SCRN2: variants seen among roughly 807,000 people sequenced by gnomAD.
SCRN2 encodes secernin 2.
Under a neutral mutation model 40.1 loss-of-function variants are expected in SCRN2, and 30 were observed. The ratio of observed to expected loss-of-function variants is 0.75; its 90% CI spans 0.56 to 1.01. The LOEUF is 1.01. SCRN2 is among the 50% of genes least tolerant of loss of function. The pLI is 0.00. For synonymous variants in SCRN2, 240 were observed against 233.5 expected (o/e 1.03, Z -0.25); for missense variants, 526 against 564.9 (o/e 0.93, Z 0.70).
At position 47,839,601 on chromosome 17, in the gene SCRN2, A is replaced by G; in HGVS notation, c.399T>C (p.His133=). 1.2e-6 allele frequency: 2 copies of G among 1,614,092 alleles called. No homozygotes were observed. The highest frequency in any genetic ancestry group is 1.7e-6 in the Non-Finnish European group (2 of 1,180,034). ...AGTGCTCCAGTAACCCTGTGATCAC[A>G]TGCAAGGCCTCCTGGGCAGAGCTGC... is the stretch of plus-strand genomic sequence containing the variant. The part of the protein sequence containing the change: ...ERSSSAQEAL[H]VITGLLEHYG... Residue 133 remains histidine, a synonymous_variant, in exon 4 of 8, where the codon CAT becomes CAC. Transcript: ENST00000290216.
chr17:47,838,780 C>G lies in SCRN2; in HGVS notation c.772+11G>C. ...CCTCCTGGCCCCCAGCCCCCTCCAC[C>G]GTTCACTAACCTTGCCGTTGCCGCA... On this transcript the variant is annotated intron_variant, in intron 5 of 7. Coordinates refer to ENST00000290216, the MANE Select transcript of SCRN2 (RefSeq NM_138355.4). 16 of 1,612,356 alleles carry G rather than the reference C, an allele frequency of 9.9e-6. No homozygotes were observed. The highest frequency in any genetic ancestry group is 1.4e-5 in the Non-Finnish European group (16 of 1,179,816).
chr17:47,840,786 G>A lies in SCRN2; in HGVS notation c.58C>T (p.Pro20Ser), dbSNP rs1182755512. 8 of 1,580,134 alleles carry A rather than the reference G, an allele frequency of 5.1e-6. No individual in the cohort carries two copies. The South Asian group carries it at 9.1e-5, about 18-fold the overall frequency. Residue 20 changes from proline to serine, a missense_variant, in exon 2 of 8, where the codon CCG (proline) becomes TCG (serine). Physicochemically the swap from Pro to Ser is moderately conservative, Grantham distance 74. Coordinates refer to ENST00000290216, the MANE Select transcript of SCRN2 (RefSeq NM_138355.4). ...ATCACAGCCGGGATGGCTGAGGCCG[G>A]GGGCACGGAGACAAAGCAGTCGCAG... is the stretch of plus-strand genomic sequence containing the variant. ...CSCDCFVSVP[P>S]ASAIPAVIFA...
At position 47,837,870 on chromosome 17, in the gene SCRN2, TCACGAAGG is replaced by T. The variant is rs757586211; in HGVS notation, c.1244_1251del (p.Ala415GlufsTer54). The T allele has an allele frequency of 1.2e-6, 2 of 1,601,372 alleles. No individual in the cohort carries two copies. Among genetic ancestry groups the T allele is most frequent in the Admixed American group, 3.3e-5 (2 of 59,814 alleles). On this transcript the variant is annotated frameshift_variant, in exon 8 of 8. Transcript: ENST00000290216. LOFTEE classifies it high-confidence loss of function. ...TACGCATAAGCCTGGCTCTCCCTCT[TCACGAAGG>T]CCTGGAAGAGGCTGCCCAGCTCCCA...
intron 3 of SCRN2, chr17:47,839,967 T>C: frequency 1.7e-6 from 1 of 591,866 alleles, no homozygotes; most frequent in East Asian, 2.8e-5. Flanking sequence ...CTATGTAAGA[T>C]TTCAACTGAA....
In SCRN2 at chr17:47,838,387, G is replaced by T. The variant is rs778010210; in HGVS notation, c.1002C>A (p.Pro334=). ...GVAQAPQVLS[P]TFGAQDPVRT... ...GAACAGGGTCTTGTGCTCCAAAAGTGGGGGACAGCACCTGGGGGGCCTGGG... is the reference window on the plus strand; with the variant it reads ...GAACAGGGTCTTGTGCTCCAAAAGTTGGGGACAGCACCTGGGGGGCCTGGG... The change falls in exon 7 of 8, where the codon CCC becomes CCA. Residue 334 remains proline (P), a synonymous_variant. Transcript: ENST00000290216. 6.2e-7 allele frequency: 1 copy of T among 1,609,438 alleles called. No individual in the cohort carries two copies. Among genetic ancestry groups the T allele is most frequent in the Non-Finnish European group, 8.5e-7 (1 of 1,178,662 alleles).
Position 47,838,550 on chromosome 17 carries a change from C to T in SCRN2, c.919G>A (p.Ala307Thr), listed in dbSNP as rs372886856. 4 of 1,613,996 alleles carry T rather than the reference C, an allele frequency of 2.5e-6. No individual in the cohort carries two copies. The highest frequency in any genetic ancestry group is 2.2e-5 in the East Asian group (1 of 44,874). Residue 307 changes from alanine (A) to threonine (T), a missense_variant, in exon 6 of 8, where the codon GCC (alanine) becomes ACC (threonine). Coordinates refer to ENST00000290216, the MANE Select transcript of SCRN2 (RefSeq NM_138355.4). The stretch of plus-strand genomic sequence containing the variant: ...TCCCACCTGGATGGGTCTGGCGTGG[C>T]GGTAAGAAAGTGCACGCAGGGCTGC... ...PTQPCVHFLT[A>T]TPDPSRSVFK...
chr17:47,841,126 T>G (rs1328334456), intron 1 of SCRN2, 82 bp downstream of exon 1: 13 of 332,898 alleles, frequency 3.9e-5, no homozygotes, highest in Non-Finnish European at 6.6e-5. Context: ...CCACCAAGAG[T>G]CCTGCGGCCC....
At chr17:47,839,075 G>A in intron 4 of SCRN2, 69 bp from the exon 5 acceptor site, 1 of 1,537,712 alleles carries the variant, frequency 6.5e-7, no homozygotes. Context: ...ACTGGGCGAG[G>A]TGCTGAGAAC....
Position 47,840,847 on chromosome 17 carries a change from G to A in SCRN2, c.1-4C>T. ...AGTCAGGGCTCGACGACGCCATCTG[G>A]GGAGAGGCGGGCCTCTCCATAACCC... On this transcript the variant is annotated splice_polypyrimidine_tract_variant and splice_region_variant and intron_variant, in intron 1 of 7. Coordinates refer to ENST00000290216, the MANE Select transcript of SCRN2 (RefSeq NM_138355.4). 6.6e-7 allele frequency: 1 copy of A among 1,518,762 alleles called. No individual in the cohort carries two copies. Among genetic ancestry groups the A allele is most frequent in the Non-Finnish European group, 8.8e-7 (1 of 1,130,736 alleles). 94.1% of individuals were successfully genotyped at this position (1,518,762 alleles called of 1,614,324 possible).
In SCRN2 at chr17:47,838,565, C is replaced by T. The variant is rs552325337; in HGVS notation, c.904G>A (p.Val302Met). Reference protein sequence around the residue: ...VLPQDPTQPCVHFLTATPDPS... With the variant: ...VLPQDPTQPCMHFLTATPDPS... The stretch of plus-strand genomic sequence containing the variant: ...TCTGGCGTGGCGGTAAGAAAGTGCA[C>T]GCAGGGCTGCGTGGGATCCTGGGGC... The change falls in exon 6 of 8, where the codon GTG (valine) becomes ATG (methionine). Residue 302 changes from valine (V) to methionine (M), a missense_variant. By Grantham distance (21) the Val-to-Met change is conservative. Transcript: ENST00000290216. 5.0e-5 allele frequency: 80 copies of T among 1,614,058 alleles called. 2 individuals are homozygous for T. In the South Asian group the frequency reaches 7.5e-4, roughly 15 times the overall value.
In SCRN2 at chr17:47,840,215, G is replaced by A. The variant is rs1381732789; in HGVS notation, c.332C>T (p.Ala111Val). 1.2e-6 allele frequency: 2 copies of A among 1,613,732 alleles called. No individual in the cohort carries two copies. The highest frequency in any genetic ancestry group is 1.7e-6 in the Non-Finnish European group (2 of 1,180,000). The change falls in exon 3 of 8, where the codon GCC becomes GTC. Residue 111 changes from alanine to valine, a missense_variant. Coordinates refer to ENST00000290216, the MANE Select transcript of SCRN2 (RefSeq NM_138355.4). ...WTKEPVGEGEALLGMDLLRLA... is the reference protein window; with the variant it reads ...WTKEPVGEGEVLLGMDLLRLA... ...CCTGAGTAGGTCCATGCCCAGCAGGGCTTCCCCCTCCCCAACTGGCTCCTT... is the reference window on the plus strand; with the variant it reads ...CCTGAGTAGGTCCATGCCCAGCAGGACTTCCCCCTCCCCAACTGGCTCCTT...
In SCRN2 at chr17:47,838,814, C is replaced by A; in HGVS notation, c.749G>T (p.Arg250Leu). 7 of 1,613,202 alleles carry A rather than the reference C, an allele frequency of 4.3e-6. No individual in the cohort carries two copies. The highest frequency in any genetic ancestry group is 5.9e-6 in the Non-Finnish European group (7 of 1,180,028). ...ACCTTGCCGTTGCCGCAGCAGCTCC[C>A]GCCCTGCCTGGAAGCGGGCCTTGGC... ...EAAKARFQAG[R>L]ELLRQRQGGI... Residue 250 changes from arginine (R) to leucine (L), a missense_variant, in exon 5 of 8, where the codon CGG becomes CTG. Transcript: ENST00000290216.
Position 47,838,948 on chromosome 17 carries a change from G to A in SCRN2, c.615C>T (p.His205=). The change falls in exon 5 of 8, where the codon CAC becomes CAT. Residue 205 remains histidine, a synonymous_variant. Transcript: ENST00000290216. ...CCTGGGCATGAGTCCGCAGCTCCGG[G>A]TGTTGGGCCGAGATGTCCGTGCCAA... ...LSIGTDISAQ[H]PELRTHAQAK... is the part of the protein sequence containing the mutation. The A allele has an allele frequency of 6.2e-7, 1 of 1,614,064 alleles. No individual in the cohort carries two copies. Among genetic ancestry groups the A allele is most frequent in the Non-Finnish European group, 8.5e-7 (1 of 1,180,050 alleles).
intron 4 of SCRN2, 26 bp from the exon 5 acceptor site, chr17:47,839,032 C>A: frequency 6.2e-7 from 1 of 1,609,152 alleles, no homozygotes; most frequent in South Asian, 1.1e-5. Context: ...GGGAGTGGTT[C>A]ATTTACCATT....
chr17:47,840,106 G>A, intron 3 of SCRN2, 85 bp downstream of exon 3: 1 of 1,399,682 alleles, frequency 7.1e-7, no homozygotes, highest in Non-Finnish European at 9.7e-7. Flanking sequence ...GAACCAGGCT[G>A]GGGGAGGGAT....
chr17:47,840,765 C>G lies in SCRN2; in HGVS notation c.79G>C (p.Val27Leu). 1 of 1,590,566 alleles carries G rather than the reference C, an allele frequency of 6.3e-7. No homozygotes were observed. Among genetic ancestry groups the G allele is most frequent in the Non-Finnish European group, 8.6e-7 (1 of 1,166,614 alleles). ...CGGTCCGAGTTCTTGGCAAAGATCA[C>G]AGCCGGGATGGCTGAGGCCGGGGGC... ...SVPPASAIPAVIFAKNSDRPR... is the reference protein window; with the variant it reads ...SVPPASAIPALIFAKNSDRPR... The change falls in exon 2 of 8, where the codon GTG (valine) becomes CTG (leucine). Residue 27 changes from valine (V) to leucine (L), a missense_variant. By Grantham distance (32) the Val-to-Leu change is conservative (BLOSUM62 1). Coordinates refer to ENST00000290216, the MANE Select transcript of SCRN2 (RefSeq NM_138355.4).
intron 1 of SCRN2, 100 bp from the exon 2 acceptor site, chr17:47,840,943 G>A: frequency 1.7e-6 from 2 of 1,162,364 alleles, no homozygotes; most frequent in Non-Finnish European, 2.3e-6. Flanking sequence ...AGACACCGCC[G>A]TGGCTCCTGG....
At position 47,838,287 on chromosome 17, in the gene SCRN2, GC is replaced by G. The variant is rs768670154; in HGVS notation, c.1101del (p.Leu368Ter). The G allele has an allele frequency of 1.3e-5, 20 of 1,597,486 alleles. No individual in the cohort carries two copies. The highest frequency in any genetic ancestry group is 1.6e-5 in the Non-Finnish European group (19 of 1,174,208). On this transcript the variant is annotated frameshift_variant, in exon 7 of 8. Transcript: ENST00000290216. LOFTEE classifies it low-confidence loss of function (END_TRUNC). ...GGGGATACCTGATCTCTCTCCATCA[GC>G]CCCAGGGCTGCCTGGTGTCCACGGT... is the stretch of plus-strand genomic sequence containing the variant. ...TLYRGHQAAL[G>X]LMERDQDRGQ...
At position 47,837,843 on chromosome 17, in the gene SCRN2, C is replaced by G. The variant is rs1452481699; in HGVS notation, c.*1G>C. On this transcript the variant is annotated 3_prime_UTR_variant, in exon 8 of 8. Coordinates refer to ENST00000290216, the MANE Select transcript of SCRN2 (RefSeq NM_138355.4). ...CCCCAGGCCAGCAGAAGCTATGAAGCTTACGCATAAGCCTGGCTCTCCCTC... is the reference window on the plus strand; with the variant it reads ...CCCCAGGCCAGCAGAAGCTATGAAGGTTACGCATAAGCCTGGCTCTCCCTC... The G allele has an allele frequency of 1.3e-6, 2 of 1,597,314 alleles. No homozygotes were observed. Among genetic ancestry groups the G allele is most frequent in the African/African-American group, 2.7e-5 (2 of 74,658 alleles).
Sources: gnomAD v4.1 joint callset for allele counts on GRCh38, gnomAD v4.1.1 for gene constraint, MANE v1.5 for transcripts, NCBI Gene and HGNC (gene_info 2026-07-23, HGNC 2026-07-21) for gene names.